CSMD1: variants seen among roughly 807,000 people sequenced by gnomAD.
The protein encoded by CSMD1 is CUB and Sushi multiple domains 1, also known as CUB and sushi domain-containing protein 1.
CSMD1 carries 213 observed loss-of-function variants against 417.5 expected under a neutral mutation model. That is an observed-to-expected ratio of 0.51 (90% CI 0.46 to 0.57). The LOEUF (loss-of-function observed/expected upper bound fraction) is 0.57, where lower values mean the gene tolerates loss of function less well. CSMD1 is among the 20% of genes least tolerant of loss of function. CSMD1 has a pLI of 0.00. For synonymous variants in CSMD1, 2,862 were observed against 1,736.8 expected, an observed-to-expected ratio of 1.65 and a Z score of -16.11; for missense variants, 6,923 against 4,529.7, an observed-to-expected ratio of 1.53 and a Z score of -15.17.
At chr8:4,439,830 A>G (rs1798359414) in intron 2 of CSMD1, among the ~76,000 whole-genome samples, 1 of 152,340 alleles carries the variant, frequency 6.6e-6, no homozygotes, top group South Asian at 2.1e-4. Context: ...AATTAAAGGC[A>G]CTAATACAGA....
intron 5 of CSMD1, among the ~76,000 whole-genome samples, chr8:3,908,370 C>G (rs1048395714): frequency 6.6e-6 from 1 of 152,194 alleles, no homozygotes; most frequent in Non-Finnish European, 1.5e-5. Context: ...ATTATGGATA[C>G]ATTTTCCCAA....
intron 3 of CSMD1, among the ~76,000 whole-genome samples, chr8:4,403,594 C>A (rs1175572597): frequency 2.0e-5 from 3 of 152,196 alleles, no homozygotes; most frequent in African/African-American, 7.2e-5. Flanking sequence ...GGACAGTACA[C>A]ACTCCTAAGA....
chr8:3,904,830 T>C (rs1203107878), intron 5 of CSMD1, among the ~76,000 whole-genome samples: 1 of 151,734 alleles, frequency 6.6e-6, no homozygotes, highest in African/African-American at 2.4e-5. Flanking sequence ...AAAGATGGGG[T>C]TTTACCATGT....
intron 2 of CSMD1, among the ~76,000 whole-genome samples, chr8:4,440,859 T>A (rs1798427263): frequency 6.6e-6 from 1 of 151,058 alleles, no homozygotes; most frequent in Admixed American, 6.6e-5. Flanking sequence ...TAGCTGGGAG[T>A]GGGGGTGAAT....
chr8:3,451,386 T>G (rs1249474107), intron 12 of CSMD1, among the ~76,000 whole-genome samples: 2 of 152,222 alleles, frequency 1.3e-5, no homozygotes, highest in Non-Finnish European at 2.9e-5. Flanking sequence ...ATGAAGTCCT[T>G]GCCCATGGCT....
At chr8:3,687,160 C>A (rs1265322766) in intron 7 of CSMD1, among the ~76,000 whole-genome samples, 2 of 152,358 alleles carry the variant, frequency 1.3e-5, no homozygotes, top group East Asian at 3.9e-4. Flanking sequence ...CATCACACCT[C>A]TGAACGCACC....
chr8:3,840,219 A>G (rs983065969), intron 5 of CSMD1, among the ~76,000 whole-genome samples: 1 of 151,942 alleles, frequency 6.6e-6, no homozygotes, highest in African/African-American at 2.4e-5. Flanking sequence ...GTATGTTTGA[A>G]CCTTTGAAAA....
intron 1 of CSMD1, among the ~76,000 whole-genome samples, chr8:4,691,146 A>G (rs1806741624): frequency 6.6e-6 from 1 of 152,226 alleles, no homozygotes; most frequent in Non-Finnish European, 1.5e-5. Flanking sequence ...TTTAACTGCA[A>G]GGGAAGGAAG....
In CSMD1 at chr8:3,565,980, C is replaced by A. The variant is rs1300938408; in HGVS notation, c.1344+8965G>T. On this transcript the variant is annotated intron_variant, in intron 10 of 69. Coordinates refer to ENST00000635120, the MANE Select transcript of CSMD1 (RefSeq NM_033225.6). ...ATACGCATTCTCATGCCATTCCTTT[C>A]ATCAATATAATACATTGACACCCCA... Among the ~76,000 whole-genome samples the A allele has an allele frequency of 4.6e-5, 7 of 152,306 alleles. No individual in the cohort carries two copies. In the South Asian group the frequency reaches 8.3e-4, roughly 18 times the overall value.
chr8:4,163,748 C>T (rs1024072750), intron 3 of CSMD1, among the ~76,000 whole-genome samples: 2 of 152,110 alleles, frequency 1.3e-5, no homozygotes, highest in Non-Finnish European at 2.9e-5. Flanking sequence ...AGCACTAATA[C>T]TGCTAAGCTT....
intron 3 of CSMD1, among the ~76,000 whole-genome samples, chr8:4,291,752 A>T (rs1026966363): frequency 2.0e-5 from 3 of 152,254 alleles, no homozygotes; most frequent in African/African-American, 7.2e-5. Flanking sequence ...AAGTTAAAGA[A>T]TATTAGGCTA....
At chr8:3,964,234 T>C (rs563846000) in intron 5 of CSMD1, among the ~76,000 whole-genome samples, 1 of 152,342 alleles carries the variant, frequency 6.6e-6, no homozygotes, top group East Asian at 1.9e-4. Flanking sequence ...ATTTACTAAA[T>C]TATACTTTTT....
chr8:4,251,986 G>A (rs193005904), intron 3 of CSMD1, among the ~76,000 whole-genome samples: 14 of 152,122 alleles, frequency 9.2e-5, no homozygotes, highest in Non-Finnish European at 1.8e-4. Flanking sequence ...AGAAAACAGA[G>A]CTAATTACAA....
intron 3 of CSMD1, among the ~76,000 whole-genome samples, chr8:4,109,732 G>A (rs954109724): frequency 6.6e-6 from 1 of 152,048 alleles, no homozygotes; most frequent in Non-Finnish European, 1.5e-5. Flanking sequence ...AAACAACTAT[G>A]TCTTATTTTT....
chr8:4,788,394 G>C, intron 1 of CSMD1: 1 of 1,399,116 alleles, frequency 7.1e-7, no homozygotes, highest in South Asian at 1.2e-5. Flanking sequence ...AGCTCAGGAT[G>C]TGTGGTCTTC....
chr8:3,485,282 C>A (rs546010557), intron 11 of CSMD1, among the ~76,000 whole-genome samples: 1 of 152,226 alleles, frequency 6.6e-6, no homozygotes, highest in South Asian at 2.1e-4. Context: ...GAGTGAGAAG[C>A]AATCATAGAA....
At chr8:4,476,978 C>T (rs1455067738) in intron 2 of CSMD1, among the ~76,000 whole-genome samples, 1 of 152,158 alleles carries the variant, frequency 6.6e-6, no homozygotes, top group Non-Finnish European at 1.5e-5. Flanking sequence ...TGCTGAATGC[C>T]AATTGCTGGC....
Position 4,730,245 on chromosome 8 carries a change from A to G in CSMD1, c.86-92687T>C, listed in dbSNP as rs532842315. ...AAACAAAACAAAACAAAACATATAT[A>G]TATATACTTTTTTATGTTCAGGGAA... On this transcript the variant is annotated intron_variant, in intron 1 of 69. Coordinates refer to ENST00000635120, the MANE Select transcript of CSMD1 (RefSeq NM_033225.6). Among the ~76,000 whole-genome samples, 204 of 152,166 alleles carry G rather than the reference A, an allele frequency of 1.3e-3. 7 individuals carry two copies. In the South Asian group the frequency reaches 0.039, roughly 29 times the overall value.
intron 3 of CSMD1, among the ~76,000 whole-genome samples, chr8:4,193,198 C>G (rs913156249): frequency 1.3e-5 from 2 of 152,120 alleles, no homozygotes; most frequent in African/African-American, 2.4e-5. Flanking sequence ...GAGTCATAAG[C>G]AGGGCTGAAA....
Sources: gnomAD v4.1 joint callset for allele counts (sites outside exome capture counted in the v4.1 genomes callset) on GRCh38, gnomAD v4.1.1 for gene constraint, MANE v1.5 for transcripts, NCBI Gene and HGNC (gene_info 2026-07-23, HGNC 2026-07-21) for gene names.